RAB27A: variants seen among roughly 807,000 people sequenced by gnomAD.
The protein encoded by RAB27A is RAB27A, member RAS oncogene family.
In RAB27A, 17 loss-of-function variants were observed where a neutral mutation model predicts 20.8. The ratio of observed to expected loss-of-function variants is 0.82; its 90% CI spans 0.56 to 1.23. The LOEUF is 1.23. Among genes scored for constraint, RAB27A ranks in the 50% most tolerant of loss-of-function variants. RAB27A has a pLI of 0.00. For missense variants in RAB27A, 277 were observed against 266.7 expected (o/e 1.04, Z -0.27); for synonymous variants, 85 against 92.8 (o/e 0.92, Z 0.48).
At chr15:55,311,028 A>G (rs773015374) in intron 2 of RAB27A, among the ~76,000 whole-genome samples, 1 of 151,950 alleles carries the variant, frequency 6.6e-6, no homozygotes, top group African/African-American at 2.4e-5. Flanking sequence ...CAATCTCCAT[A>G]TCCTGATTCT....
intron 2 of RAB27A, among the ~76,000 whole-genome samples, chr15:55,301,645 C>CTTTTTT (rs754262049): frequency 4.3e-5 from 5 of 117,602 alleles, no homozygotes; most frequent in Admixed American, 9.7e-5. Flanking sequence ...CCCTAAAAAT[C>CTTTTTT]TTTTTTTTTT....
rs373964215 is a variant in RAB27A, at chr15:55,210,057, CAT to C, written c.468-4354_468-4353del. 6.2e-4 allele frequency among the ~76,000 whole-genome samples: 85 copies of C among 137,264 alleles called. No homozygotes were observed. In the East Asian group the frequency reaches 0.01, roughly 17 times the overall value. 90.1% of individuals were successfully genotyped at this position (137,264 alleles called of 152,430 possible). A position where few individuals can be genotyped will look rare whatever the true frequency, so the allele number is the denominator to read the frequency against. On this transcript the variant is annotated intron_variant, in intron 6 of 6. Transcript: ENST00000336787. The stretch of plus-strand genomic sequence containing the variant: ...GTGTGTGTACATGTACATATATACA[CAT>C]ATGTGTGTGTACATATACATATATA...
chr15:55,246,998 T>C (rs1442850544), intron 2 of RAB27A, among the ~76,000 whole-genome samples: 1 of 152,208 alleles, frequency 6.6e-6, no homozygotes, highest in African/African-American at 2.4e-5. Context: ...TGAAGATCAA[T>C]GAATCATAGC....
chr15:55,310,994 C>A (rs1015364669), intron 2 of RAB27A, among the ~76,000 whole-genome samples: 3 of 152,138 alleles, frequency 2.0e-5, no homozygotes, highest in Non-Finnish European at 2.9e-5. Context: ...TTCTAATACG[C>A]AGGTTAGCAA....
At chr15:55,263,206 C>T (rs1165494625) in intron 2 of RAB27A, among the ~76,000 whole-genome samples, 1 of 151,962 alleles carries the variant, frequency 6.6e-6, no homozygotes, top group Non-Finnish European at 1.5e-5. Flanking sequence ...CTTTTGCATT[C>T]GCCAGGGGGT....
At chr15:55,252,809 A>G (rs1357702065) in intron 2 of RAB27A, among the ~76,000 whole-genome samples, 3 of 152,106 alleles carry the variant, frequency 2.0e-5, no homozygotes, top group Non-Finnish European at 2.9e-5. Flanking sequence ...TTATTCAATC[A>G]ACTTGCTTTC....
chr15:55,237,512 T>C (rs1374265272), intron 2 of RAB27A: 1 of 152,194 alleles, frequency 6.6e-6, no homozygotes, highest in South Asian at 2.1e-4. Flanking sequence ...CTTACCTGTC[T>C]TTATAGCTTG....
intron 6 of RAB27A, among the ~76,000 whole-genome samples, chr15:55,217,137 C>T (rs970239955): frequency 4.1e-4 from 63 of 152,102 alleles, no homozygotes; most frequent in African/African-American, 1.4e-3. Context: ...ATTTGTAAAC[C>T]TCTAGGTCAT....
intron 1 of RAB27A, among the ~76,000 whole-genome samples, chr15:55,287,155 C>T (rs1052098913): frequency 6.6e-6 from 1 of 151,844 alleles, no homozygotes; most frequent in East Asian, 1.9e-4. Context: ...CCTGACCTCA[C>T]GTGATCCACC....
chr15:55,272,605 C>T (rs1238493642), intron 1 of RAB27A, among the ~76,000 whole-genome samples: 2 of 152,198 alleles, frequency 1.3e-5, no homozygotes, highest in African/African-American at 4.8e-5. Context: ...GTATTGAAAG[C>T]TTTCTAAAAT....
At chr15:55,296,263 T>C (rs1464603092) in intron 2 of RAB27A, among the ~76,000 whole-genome samples, 2 of 150,168 alleles carry the variant, frequency 1.3e-5, no homozygotes, top group African/African-American at 4.9e-5. Flanking sequence ...GCCCAGCACT[T>C]TGGGAGGCCG....
chr15:55,218,298 A>T (rs1288177882), intron 6 of RAB27A, among the ~76,000 whole-genome samples: 1 of 152,214 alleles, frequency 6.6e-6, no homozygotes, highest in Non-Finnish European at 1.5e-5. Flanking sequence ...TATTGCAGCA[A>T]ATGAAATCCA....
At chr15:55,208,783 G>T (rs954418828) in intron 6 of RAB27A, among the ~76,000 whole-genome samples, 7 of 152,192 alleles carry the variant, frequency 4.6e-5, no homozygotes, top group African/African-American at 1.2e-4. Context: ...CAGTCTTCCT[G>T]GGCTGGTGGC....
intron 2 of RAB27A, among the ~76,000 whole-genome samples, chr15:55,300,133 T>C (rs1336443469): frequency 6.6e-6 from 1 of 152,148 alleles, no homozygotes; most frequent in Non-Finnish European, 1.5e-5. Context: ...CCTAATTTCT[T>C]GATCATTATA....
In RAB27A at chr15:55,224,319, C is replaced by T. The variant is rs1457403117; in HGVS notation, c.344-307G>A. ...CATATGCACACACACACATACAAAACACCTTTCTTTTTTATGAAGGCTATT... is the reference window on the plus strand; with the variant it reads ...CATATGCACACACACACATACAAAATACCTTTCTTTTTTATGAAGGCTATT... On this transcript the variant is annotated intron_variant, in intron 5 of 6. Coordinates refer to ENST00000336787, the MANE Select transcript of RAB27A (RefSeq NM_183235.3). Among the ~76,000 whole-genome samples the T allele has an allele frequency of 2.0e-5, 3 of 152,226 alleles. No homozygotes were observed. The East Asian group carries it at 5.8e-4, about 29-fold the overall frequency.
At chr15:55,286,433 CAAGGT>C (rs1566936666) in intron 1 of RAB27A, among the ~76,000 whole-genome samples, 1 of 151,974 alleles carries the variant, frequency 6.6e-6, no homozygotes, top group African/African-American at 2.4e-5. Flanking sequence ...GAAAACAAGG[CAAGGT>C]AAGGGGGCAG....
At chr15:55,283,905 G>A (rs895043601) in intron 1 of RAB27A, among the ~76,000 whole-genome samples, 1 of 152,160 alleles carries the variant, frequency 6.6e-6, no homozygotes, top group Non-Finnish European at 1.5e-5. Flanking sequence ...CAGCAGATTA[G>A]TATTTAGCCA....
chr15:55,229,406 T>A (rs1007390947), intron 4 of RAB27A, among the ~76,000 whole-genome samples: 4 of 152,236 alleles, frequency 2.6e-5, no homozygotes, highest in Admixed American at 6.5e-5. Flanking sequence ...CCAGGGGCCA[T>A]GGCTCACACC....
At chr15:55,236,771 C>T (rs753163344) in intron 2 of RAB27A, among the ~76,000 whole-genome samples, 3 of 152,082 alleles carry the variant, frequency 2.0e-5, no homozygotes, top group Non-Finnish European at 4.4e-5. Flanking sequence ...TATTTTGTTA[C>T]ATGCATAGAA....
Sources: gnomAD v4.1 joint callset for allele counts (sites outside exome capture counted in the v4.1 genomes callset) on GRCh38, gnomAD v4.1.1 for gene constraint, MANE v1.5 for transcripts, NCBI Gene and HGNC (gene_info 2026-07-23, HGNC 2026-07-21) for gene names.